Variants in FKBP15 observed in about 807,000 individuals in gnomAD.
The protein encoded by FKBP15 is FK506-binding protein 15.
FKBP15 carries 106 observed loss-of-function variants against 158.1 expected under a neutral mutation model. That is an observed-to-expected ratio of 0.67 (90% CI 0.57 to 0.79). FKBP15 has a LOEUF of 0.79. FKBP15 is among the 30% of genes least tolerant of loss of function. The probability of loss-of-function intolerance (pLI) is 0.00; values close to 1 mark genes in which losing one functional copy is unlikely to be tolerated. For missense variants in FKBP15, 1,287 were observed against 1,479.1 expected (o/e 0.87, Z 2.13); for synonymous variants, 547 against 548.6 (o/e 1.00, Z 0.04).
At chr9:113,173,292 A>C (rs1326479063) in intron 23 of FKBP15, among the ~76,000 whole-genome samples, 161 bp downstream of exon 23, 2 of 152,196 alleles carry the variant, frequency 1.3e-5, no homozygotes, top group African/African-American at 4.8e-5. Context: ...CTATCACCCC[A>C]CATAAGTATG....
chr9:113,188,333 G>C, intron 13 of FKBP15, 56 bp downstream of exon 13: 1 of 1,324,936 alleles, frequency 7.5e-7, no homozygotes. Flanking sequence ...GAACAGTGAC[G>C]ATAATTTTCA....
intron 1 of FKBP15, among the ~76,000 whole-genome samples, chr9:113,215,082 G>GTT (rs1831092142): frequency 2.6e-5 from 4 of 152,158 alleles, no homozygotes; most frequent in Non-Finnish European, 5.9e-5. Flanking sequence ...CAGCAATAAG[G>GTT]CTGTTTTGCT....
chr9:113,213,308 C>G (rs924527758), intron 1 of FKBP15, among the ~76,000 whole-genome samples: 1 of 151,936 alleles, frequency 6.6e-6, no homozygotes, highest in Admixed American at 6.6e-5. Flanking sequence ...ACTCGGGAGG[C>G]TGAGGCAGGA....
intron 19 of FKBP15, 141 bp from the exon 20 acceptor site, chr9:113,178,942 C>T (rs906521904): frequency 2.1e-5 from 15 of 712,930 alleles, no homozygotes; most frequent in Non-Finnish European, 3.2e-5. Context: ...AAACCAAATT[C>T]AAATTATGGG....
intron 19 of FKBP15, among the ~76,000 whole-genome samples, chr9:113,180,388 G>A (rs1830373518): frequency 6.8e-6 from 1 of 147,732 alleles, no homozygotes; most frequent in Non-Finnish European, 1.5e-5. Flanking sequence ...CAACTTTTAT[G>A]ATCAGAAAAA....
In FKBP15 at chr9:113,183,819, G is replaced by A; in HGVS notation, c.1743C>T (p.Ile581=). ...CTTCTATCCGATTGCTCTTTTCAAGGATCTCTTGCTTCAATCTTTCATTTT... is the reference window on the plus strand; with the variant it reads ...CTTCTATCCGATTGCTCTTTTCAAGAATCTCTTGCTTCAATCTTTCATTTT... The part of the protein sequence containing the change: ...IQENERLKQE[I]LEKSNRIEEQ... The change falls in exon 18 of 28, where the codon ATC becomes ATT. Residue 581 remains isoleucine (I), a synonymous_variant. Coordinates refer to ENST00000238256, the MANE Select transcript of FKBP15 (RefSeq NM_015258.2). The A allele has an allele frequency of 6.2e-7, 1 of 1,613,038 alleles. No homozygotes were observed. Among genetic ancestry groups the A allele is most frequent in the East Asian group, 2.2e-5 (1 of 44,856 alleles).
Position 113,202,764 on chromosome 9 carries a change from C to G in FKBP15, c.400-135G>C, listed in dbSNP as rs1459503349. The G allele has an allele frequency of 5.0e-6, 4 of 798,286 alleles. No individual in the cohort carries two copies. The African/African-American group carries it at 5.2e-5, about 10-fold the overall frequency. The allele number at this position is 798,286 out of a possible 1,614,324, so 49.5% of individuals were successfully genotyped here. A position where few individuals can be genotyped will look rare whatever the true frequency, so the allele number is the denominator to read the frequency against. ...CTATCAGAGATCTTTCTTCTTCCCT[C>G]TCACCCTCTACGATTCACCCTTCAG... On this transcript the variant is annotated intron_variant, in intron 5 of 27. Coordinates refer to ENST00000238256, the MANE Select transcript of FKBP15 (RefSeq NM_015258.2).
At position 113,174,580 on chromosome 9, in the gene FKBP15, G is replaced by A; in HGVS notation, c.2227C>T (p.Leu743Phe). 6.2e-7 allele frequency: 1 copy of A among 1,613,496 alleles called. No individual in the cohort carries two copies. Among genetic ancestry groups the A allele is most frequent in the Non-Finnish European group, 8.5e-7 (1 of 1,179,706 alleles). Residue 743 changes from leucine to phenylalanine, a missense_variant, in exon 22 of 28, where the codon CTC (leucine) becomes TTC (phenylalanine). Coordinates refer to ENST00000238256, the MANE Select transcript of FKBP15 (RefSeq NM_015258.2). ...GCTGACTTCTTTTTCCTTTCTGAGA[G>A]GTTCTTAGGAACAAGAGAACCATCA... ...RVEKESLEKN[L>F]SERKKKSAQE...
chr9:113,221,144 G>A (rs1318839400), intron 1 of FKBP15, 47 bp downstream of exon 1: 2 of 1,562,984 alleles, frequency 1.3e-6, no homozygotes, highest in Non-Finnish European at 1.7e-6. Context: ...ACAATCCGCC[G>A]GTATCTCTCA....
intron 2 of FKBP15, among the ~76,000 whole-genome samples, chr9:113,210,213 A>G (rs943224541): frequency 6.6e-6 from 1 of 151,880 alleles, no homozygotes; most frequent in Non-Finnish European, 1.5e-5. Context: ...AGCACTCACC[A>G]CTGGGGGTGA....
chr9:113,188,607 A>T lies in FKBP15; in HGVS notation c.1174-116T>A, dbSNP rs77899552. On this transcript the variant is annotated intron_variant, in intron 12 of 27. Coordinates refer to ENST00000238256, the MANE Select transcript of FKBP15 (RefSeq NM_015258.2). ...CAGGATTTCTAGGCAAAGAAGAGGAAGGAAAGGTAAGCGGAAGGCCAAGAG... is the reference window on the plus strand; with the variant it reads ...CAGGATTTCTAGGCAAAGAAGAGGATGGAAAGGTAAGCGGAAGGCCAAGAG... 3,921 of 806,894 alleles carry T rather than the reference A, an allele frequency of 4.9e-3. 120 individuals carry two copies. The African/African-American group carries it at 0.06, about 12-fold the overall frequency. The allele number at this position is 806,894 out of a possible 1,614,324, so 50.0% of individuals were successfully genotyped here.
chr9:113,196,504 C>T (rs1587966368), intron 9 of FKBP15, among the ~76,000 whole-genome samples: 1 of 151,890 alleles, frequency 6.6e-6, no homozygotes, highest in African/African-American at 2.4e-5. Context: ...CTGCCTCAGC[C>T]TCCCAAGTAG....
chr9:113,214,588 G>A (rs748354561), intron 1 of FKBP15, among the ~76,000 whole-genome samples: 39 of 152,154 alleles, frequency 2.6e-4, no homozygotes, highest in Non-Finnish European at 5.9e-5. Context: ...ATGCCTAAGG[G>A]CCCTAGGATT....
At chr9:113,210,583 G>A (rs571108987) in intron 2 of FKBP15, among the ~76,000 whole-genome samples, 2 of 152,168 alleles carry the variant, frequency 1.3e-5, no homozygotes, top group East Asian at 3.9e-4. Flanking sequence ...TGCTCACCTC[G>A]GCCTCCCGAA....
In FKBP15 at chr9:113,188,484, T is replaced by C; in HGVS notation, c.1181A>G (p.Asn394Ser). The C allele has an allele frequency of 6.2e-7, 1 of 1,613,706 alleles. No homozygotes were observed. The highest frequency in any genetic ancestry group is 8.5e-7 in the Non-Finnish European group (1 of 1,179,720). Residue 394 changes from asparagine (N) to serine (S), a missense_variant, in exon 13 of 28, where the codon AAC (asparagine) becomes AGC (serine). Physicochemically the swap from Asn to Ser is conservative, Grantham distance 46 (BLOSUM62 1). Transcript: ENST00000238256. ...AGGCTGCCCACCTCCTTGCAGAGTG[T>C]TCACATCCTGAAACAGGAACAAGCG... ...DSNDSEIEDVNTLQGGGQPVV... is the reference protein window; with the variant it reads ...DSNDSEIEDVSTLQGGGQPVV...
chr9:113,176,905 C>T (rs973894757), intron 20 of FKBP15, among the ~76,000 whole-genome samples: 9 of 152,172 alleles, frequency 5.9e-5, no homozygotes, highest in Non-Finnish European at 4.4e-5. Context: ...TGAGCCCCTG[C>T]GCCTGGCCCC....
intron 11 of FKBP15, among the ~76,000 whole-genome samples, chr9:113,191,143 A>G (rs1830566732): frequency 6.6e-6 from 1 of 152,146 alleles, no homozygotes; most frequent in Non-Finnish European, 1.5e-5. Context: ...TATTGGGTAT[A>G]GAAGGAAATG....
Position 113,161,696 on chromosome 9 carries a change from C to T in FKBP15, c.*4382G>A. On this transcript the variant is annotated 3_prime_UTR_variant, in exon 28 of 28. Transcript: ENST00000238256. ...CATTCCCTGTTGGCAGAACCCACCA[C>T]AGGTACAGGCAGTGGGTATGGGAAA... is the stretch of plus-strand genomic sequence containing the variant. 1 of 1,613,858 alleles carries T rather than the reference C, an allele frequency of 6.2e-7. No homozygotes were observed. Among genetic ancestry groups the T allele is most frequent in the Non-Finnish European group, 8.5e-7 (1 of 1,179,834 alleles).
At position 113,199,760 on chromosome 9, in the gene FKBP15, T is replaced by C. The variant is rs1204770034; in HGVS notation, c.648+54A>G. ...ACAGTAATAGTATCTTCCCTGGGAATAGCCCTCATGCTATATAAGTTTACA... is the reference window on the plus strand; with the variant it reads ...ACAGTAATAGTATCTTCCCTGGGAACAGCCCTCATGCTATATAAGTTTACA... On this transcript the variant is annotated intron_variant, in intron 7 of 27. Coordinates refer to ENST00000238256, the MANE Select transcript of FKBP15 (RefSeq NM_015258.2). 3 of 1,543,838 alleles carry C rather than the reference T, an allele frequency of 1.9e-6. No individual in the cohort carries two copies. In the Admixed American group the frequency reaches 5.9e-5, roughly 30 times the overall value.
Sources: gnomAD v4.1 joint callset for allele counts (sites outside exome capture counted in the v4.1 genomes callset) on GRCh38, gnomAD v4.1.1 for gene constraint, MANE v1.5 for transcripts, NCBI Gene and HGNC (gene_info 2026-07-23, HGNC 2026-07-21) for gene names.